Variants in PTPRC observed in about 807,000 individuals in gnomAD.
The protein encoded by PTPRC is protein tyrosine phosphatase receptor type C.
A neutral mutation model predicts 155.9 loss-of-function variants in PTPRC; 44 were observed. The observed-to-expected ratio is 0.28, with a 90% CI of 0.22 to 0.36. The LOEUF is 0.36. PTPRC is among the 10% of genes least tolerant of loss of function. The pLI, the probability that PTPRC is intolerant of heterozygous loss-of-function variation, is 1.00. For synonymous variants in PTPRC, 525 were observed against 533.1 expected (o/e 0.98, Z 0.21); for missense variants, 1,401 against 1,564.6 (o/e 0.90, Z 1.76).
In PTPRC at chr1:198,741,937, G is replaced by A. The variant is rs551674373; in HGVS notation, c.2472G>A (p.Val824=). ...TCACCAGCTGGCCAGACCACGGGGT[G>A]CCTGAGGATCCTCACTTGCTCCTCA... ...IQFTSWPDHG[V]PEDPHLLLKL... is the part of the protein sequence containing the mutation. The change falls in exon 24 of 33, where the codon GTG becomes GTA. Residue 824 remains valine, a synonymous_variant. Transcript: ENST00000442510. The A allele has an allele frequency of 1.5e-5, 24 of 1,612,120 alleles. No homozygotes were observed. The highest frequency in any genetic ancestry group is 2.0e-5 in the Non-Finnish European group (24 of 1,178,998).
rs1478796698 is a variant in PTPRC, at chr1:198,718,148, A to G, written c.1505A>G (p.His502Arg). The part of the protein sequence containing the change: ...TVSMTSDNSM[H>R]VKCRPPRDRN... ...TCCATGACATCAGATAATAGTATGC[A>G]TGTCAAGTGTAGGCCTCCCAGGGAC... Residue 502 changes from histidine to arginine, a missense_variant, in exon 14 of 33, where the codon CAT (histidine) becomes CGT (arginine). By Grantham distance (29) the His-to-Arg change is conservative. Around this residue, in one of 3 missense-constraint regions of PTPRC, gnomAD observed 867 missense variants for 970.4 expected, o/e 0.89. Coordinates refer to ENST00000442510, the MANE Select transcript of PTPRC (RefSeq NM_002838.5). 6.2e-7 allele frequency: 1 copy of G among 1,614,032 alleles called. No homozygotes were observed. Among genetic ancestry groups the G allele is most frequent in the Admixed American group, 1.7e-5 (1 of 60,030 alleles).
intron 2 of PTPRC, among the ~76,000 whole-genome samples, chr1:198,651,395 G>C (rs140015735): frequency 0.02 from 2,971 of 151,104 alleles, 37 homozygotes; most frequent in South Asian, 0.049. Context: ...TTAAAAAGTA[G>C]TTGTTATCAA....
intron 23 of PTPRC, among the ~76,000 whole-genome samples, chr1:198,740,027 T>C (rs1283076262): frequency 1.3e-5 from 2 of 151,178 alleles, no homozygotes; most frequent in African/African-American, 2.4e-5. Flanking sequence ...CAAATGAAAA[T>C]GGAAACACAA....
At chr1:198,714,169 G>C (rs1249177533) in intron 12 of PTPRC, among the ~76,000 whole-genome samples, 3 of 152,012 alleles carry the variant, frequency 2.0e-5, no homozygotes, top group South Asian at 2.1e-4. Flanking sequence ...ACTTTGTGTA[G>C]CTTCTATGGG....
chr1:198,745,360 G>A (rs1474272246), intron 26 of PTPRC, among the ~76,000 whole-genome samples: 1 of 151,782 alleles, frequency 6.6e-6, no homozygotes, highest in East Asian at 2.0e-4. Context: ...GACAGAAGAT[G>A]AGAGTAGAAA....
chr1:198,742,689 G>GAGAC (rs1379166331), intron 25 of PTPRC, among the ~76,000 whole-genome samples: 1 of 151,818 alleles, frequency 6.6e-6, no homozygotes, highest in Non-Finnish European at 1.5e-5. Flanking sequence ...TTAAACTGAA[G>GAGAC]AGACAGAATA....
rs575728007 is a variant in PTPRC at position 198,710,008 on chromosome 1, G to A, written c.1171+184G>A. ...TTCTTTTGCTTATGTTTTTGGTGTC[G>A]TATATGAAAGTCCATTGCCAAGTCA... is the stretch of plus-strand genomic sequence containing the variant. On this transcript the variant is annotated intron_variant, in intron 11 of 32. Coordinates refer to ENST00000442510, the MANE Select transcript of PTPRC (RefSeq NM_002838.5). Among the ~76,000 whole-genome samples, 130 of 152,124 alleles carry A rather than the reference G, an allele frequency of 8.5e-4. 2 individuals are homozygous for A. The South Asian group carries it at 0.026, about 30-fold the overall frequency.
intron 3 of PTPRC, chr1:198,694,333 G>A (rs1666088142): frequency 8.2e-6 from 1 of 122,088 alleles, no homozygotes; most frequent in Non-Finnish European, 1.4e-5. Context: ...GGGTGGGGGG[G>A]TTGGGGAGGG....
intron 23 of PTPRC, among the ~76,000 whole-genome samples, chr1:198,737,266 A>G (rs1932434): frequency 0.043 from 6,472 of 151,762 alleles, 482 homozygotes; most frequent in African/African-American, 0.15. Context: ...AACTTTGCAC[A>G]AACCAATGCC....
intron 15 of PTPRC, among the ~76,000 whole-genome samples, chr1:198,723,281 T>G (rs1333494585): frequency 6.6e-6 from 1 of 152,104 alleles, no homozygotes; most frequent in African/African-American, 2.4e-5. Flanking sequence ...TGTACTTTGT[T>G]GTCAGCAACT....
intron 23 of PTPRC, among the ~76,000 whole-genome samples, chr1:198,741,160 A>C (rs937395222): frequency 6.6e-6 from 1 of 151,818 alleles, no homozygotes; most frequent in African/African-American, 2.4e-5. Context: ...TACTGGTGTT[A>C]ATTAACTCAG....
At chr1:198,683,755 A>AT (rs1428496451) in intron 2 of PTPRC, among the ~76,000 whole-genome samples, 1 of 152,046 alleles carries the variant, frequency 6.6e-6, no homozygotes, top group Non-Finnish European at 1.5e-5. Flanking sequence ...AAGGATTGAT[A>AT]TTTTTTCTTC....
At chr1:198,729,287 G>A in intron 17 of PTPRC, 116 bp downstream of exon 17, 1 of 1,256,086 alleles carries the variant, frequency 8.0e-7, no homozygotes, top group Non-Finnish European at 1.0e-6. Context: ...TGTCTCCCAG[G>A]CTGAAGTGTG....
intron 29 of PTPRC, 142 bp from the exon 30 acceptor site, chr1:198,752,107 G>C (rs1655408972): frequency 1.1e-6 from 1 of 950,810 alleles, no homozygotes; most frequent in Non-Finnish European, 1.6e-6. Flanking sequence ...ATTTTTATAA[G>C]TAGGTTTCAA....
At chr1:198,697,791 C>A (rs1261005490) in intron 4 of PTPRC, among the ~76,000 whole-genome samples, 2 of 152,130 alleles carry the variant, frequency 1.3e-5, no homozygotes, top group Admixed American at 1.3e-4. Context: ...ATATATAATA[C>A]CATCACAGAA....
chr1:198,728,307 T>C, intron 15 of PTPRC, 33 bp from the exon 16 acceptor site: 5 of 1,555,860 alleles, frequency 3.2e-6, no homozygotes, highest in Non-Finnish European at 4.4e-6. Flanking sequence ...TATTTGACAA[T>C]CGTTCTCTGA....
intron 12 of PTPRC, among the ~76,000 whole-genome samples, chr1:198,713,438 G>A (rs1259088465): frequency 1.3e-5 from 2 of 151,610 alleles, no homozygotes; most frequent in East Asian, 3.9e-4. Flanking sequence ...CAACAAACAA[G>A]CAAACCCCTT....
intron 5 of PTPRC, among the ~76,000 whole-genome samples, chr1:198,700,539 G>C (rs1010044450): frequency 1.3e-5 from 2 of 152,156 alleles, no homozygotes; most frequent in Non-Finnish European, 2.9e-5. Context: ...TAAACAAGTG[G>C]GAGAAGAGCC....
chr1:198,755,464 T>TAATC (rs1265439139), intron 32 of PTPRC, among the ~76,000 whole-genome samples: 2 of 147,138 alleles, frequency 1.4e-5, no homozygotes, highest in Non-Finnish European at 3.0e-5. Flanking sequence ...AGGTATTTAC[T>TAATC]AATCAATGTA....
Sources: allele counts gnomAD v4.1 joint callset (sites outside exome capture counted in the v4.1 genomes callset), GRCh38; gene constraint gnomAD v4.1.1; regional missense constraint gnomAD v4.1.1; transcripts MANE v1.5; gene names NCBI Gene and HGNC (gene_info 2026-07-23, HGNC 2026-07-21).